FAF2: variants seen among roughly 807,000 people sequenced by gnomAD.
FAF2 encodes the protein Fas associated factor family member 2.
Under a neutral mutation model 62.3 loss-of-function variants are expected in FAF2, and 9 were observed. The ratio of observed to expected loss-of-function variants is 0.14; its 90% CI spans 0.09 to 0.25. The LOEUF (loss-of-function observed/expected upper bound fraction) is 0.25, where lower values mean the gene tolerates loss of function less well. FAF2 is among the 10% of genes least tolerant of loss of function. FAF2 has a pLI of 1.00. For missense variants in FAF2, 368 were observed against 556.2 expected (o/e 0.66, Z 3.40); for synonymous variants, 202 against 198.0 (o/e 1.02, Z -0.17).
intron 1 of FAF2, among the ~76,000 whole-genome samples, chr5:176,463,567 CAATAGT>C (rs1194457152): frequency 6.6e-6 from 1 of 151,828 alleles, no homozygotes; most frequent in Non-Finnish European, 1.5e-5. Flanking sequence ...TCATGTTTCT[CAATAGT>C]AATATTAGCT....
intron 4 of FAF2, 44 bp downstream of exon 4, chr5:176,489,071 T>G (rs1160153509): frequency 6.5e-7 from 1 of 1,527,566 alleles, no homozygotes; most frequent in Non-Finnish European, 9.0e-7. Context: ...AGTAAGACTT[T>G]GGAGCTGAAA....
intron 1 of FAF2, among the ~76,000 whole-genome samples, chr5:176,453,925 A>C (rs1281809056): frequency 6.6e-6 from 1 of 151,466 alleles, no homozygotes; most frequent in East Asian, 1.9e-4. Flanking sequence ...GCGTCGTGTC[A>C]GGTGCCCATA....
intron 1 of FAF2, among the ~76,000 whole-genome samples, chr5:176,471,375 C>CTTTTTTTTTT (rs138149987): frequency 1.0e-5 from 1 of 97,624 alleles, no homozygotes; most frequent in Non-Finnish European, 2.0e-5. Flanking sequence ...TCTGTACATT[C>CTTTTTTTTTT]TTTTTTTTTT....
chr5:176,489,275 A>G (rs1433711181), intron 4 of FAF2, among the ~76,000 whole-genome samples: 1 of 138,458 alleles, frequency 7.2e-6, no homozygotes, highest in Non-Finnish European at 1.5e-5. Flanking sequence ...GTCTGACTAT[A>G]TTTATTTGTC....
intron 1 of FAF2, among the ~76,000 whole-genome samples, chr5:176,477,837 G>T (rs1365512294): frequency 2.0e-5 from 3 of 152,178 alleles, no homozygotes; most frequent in Non-Finnish European, 4.4e-5. Context: ...GCAGAATTAG[G>T]CAAGAACTTC....
At chr5:176,506,690 T>TGTGTGTGC (rs10563462) in intron 10 of FAF2, 78 bp from the exon 11 acceptor site, 1 of 1,151,524 alleles carries the variant, frequency 8.7e-7, no homozygotes, top group East Asian at 2.6e-5. Flanking sequence ...ACTTCAGAGT[T>TGTGTGTGC]GTGTGTGCGT....
At chr5:176,489,181 G>A (rs192618356) in intron 4 of FAF2, among the ~76,000 whole-genome samples, 154 bp downstream of exon 4, 41 of 152,250 alleles carry the variant, frequency 2.7e-4, no homozygotes, top group Admixed American at 2.1e-3. Context: ...CAACATACAA[G>A]TATTTTAAAT....
At chr5:176,491,664 T>C (rs1758972377) in intron 4 of FAF2, among the ~76,000 whole-genome samples, 1 of 152,206 alleles carries the variant, frequency 6.6e-6, no homozygotes, top group South Asian at 2.1e-4. Context: ...TCTGTGATGA[T>C]AGAAACGTTC....
At chr5:176,490,843 A>G (rs997066955) in intron 4 of FAF2, among the ~76,000 whole-genome samples, 32 of 125,232 alleles carry the variant, frequency 2.6e-4, no homozygotes, top group Non-Finnish European at 3.9e-4. Context: ...TGTAATGAGG[A>G]AAAAAAAATA....
intron 1 of FAF2, 147 bp downstream of exon 1, chr5:176,448,617 T>A: frequency 1.3e-6 from 1 of 770,878 alleles, no homozygotes; most frequent in Non-Finnish European, 2.0e-6. Context: ...ACTGCCCTGA[T>A]TCCCCCGGCC....
intron 2 of FAF2, among the ~76,000 whole-genome samples, chr5:176,480,060 G>A (rs1448240093): frequency 6.6e-6 from 1 of 152,190 alleles, no homozygotes; most frequent in East Asian, 1.9e-4. Flanking sequence ...CTCCAAGGAT[G>A]TAAGCTCCCT....
chr5:176,466,306 A>G (rs1758466869), intron 1 of FAF2, among the ~76,000 whole-genome samples: 1 of 152,334 alleles, frequency 6.6e-6, no homozygotes, highest in East Asian at 1.9e-4. Context: ...GTGTGGTCGG[A>G]AGGAGAGAAC....
chr5:176,451,118 C>A (rs1049986355), intron 1 of FAF2, among the ~76,000 whole-genome samples: 1 of 152,102 alleles, frequency 6.6e-6, no homozygotes, highest in African/African-American at 2.4e-5. Context: ...TGCTTGTAAT[C>A]CCAGCACTTT....
intron 4 of FAF2, among the ~76,000 whole-genome samples, chr5:176,489,410 TCTC>T (rs370790059): frequency 7.2e-5 from 11 of 151,892 alleles, no homozygotes; most frequent in South Asian, 4.2e-4. Flanking sequence ...CTCAACTACT[TCTC>T]CTCCACCTGA....
At chr5:176,480,780 A>T (rs916689038) in intron 2 of FAF2, among the ~76,000 whole-genome samples, 1 of 131,572 alleles carries the variant, frequency 7.6e-6, no homozygotes, top group Middle Eastern at 4.1e-3. Flanking sequence ...GGAGGGGAAC[A>T]TCACACACGG....
At chr5:176,463,724 G>GTT (rs200216378) in intron 1 of FAF2, among the ~76,000 whole-genome samples, 19 of 129,516 alleles carry the variant, frequency 1.5e-4, no homozygotes, top group East Asian at 2.3e-4. Context: ...GTTATTGCAT[G>GTT]TTTTTTTTTT....
intron 10 of FAF2, among the ~76,000 whole-genome samples, chr5:176,505,391 T>C (rs1755659530): frequency 6.6e-6 from 1 of 152,186 alleles, no homozygotes; most frequent in African/African-American, 2.4e-5. Context: ...CTGTGCCTTG[T>C]CAGAGCCAGA....
Position 176,496,501 on chromosome 5 carries a change from G to A in FAF2, c.677G>A (p.Arg226Gln), listed in dbSNP as rs573849710. Residue 226 changes from arginine to glutamine, a missense_variant, in exon 8 of 11, where the codon CGA becomes CAA. Physicochemically the swap from Arg to Gln is conservative, Grantham distance 43. Around this residue, in one of 2 missense-constraint regions of FAF2, gnomAD observed 331 missense variants for 441.9 expected, o/e 0.75. Transcript: ENST00000261942. ...PEGYRVSQAL[R>Q]ENTYPFLAMI... ...TTTTTATCAGTCTCACAGGCTTTAC[G>A]AGAGAACACCTATCCATTCCTGGCC... is the stretch of plus-strand genomic sequence containing the variant. The A allele has an allele frequency of 7.5e-6, 12 of 1,598,126 alleles. No individual in the cohort carries two copies. In the African/African-American group the frequency reaches 9.4e-5, roughly 13 times the overall value.
At chr5:176,475,448 G>A (rs1758671893) in intron 1 of FAF2, among the ~76,000 whole-genome samples, 1 of 152,108 alleles carries the variant, frequency 6.6e-6, no homozygotes, top group Non-Finnish European at 1.5e-5. Context: ...TTACTTTAGT[G>A]AGGGATTTAT....
Sources: allele counts gnomAD v4.1 joint callset (sites outside exome capture counted in the v4.1 genomes callset), GRCh38; gene constraint gnomAD v4.1.1; regional missense constraint gnomAD v4.1.1; transcripts MANE v1.5; gene names NCBI Gene and HGNC (gene_info 2026-07-23, HGNC 2026-07-21).